The following FMR1NB variants were observed in gnomAD, a reference collection of about 807,000 sequenced individuals.
FMR1NB encodes FMR1 neighbor.
In FMR1NB, 10 loss-of-function variants were observed where a neutral mutation model predicts 16.8. The observed-to-expected ratio is 0.60, with a 90% confidence interval of 0.37 to 1.01. The LOEUF (loss-of-function observed/expected upper bound fraction) is 1.01. FMR1NB is among the 50% of genes least tolerant of loss of function. The pLI is 0.01. For synonymous variants in FMR1NB, 83 were observed against 79.1 expected (o/e 1.05, Z -0.26); for missense variants, 205 against 204.8 (o/e 1.00, Z 0.00).
chrX:147,989,717 C>T (rs2044494528), intron 1 of FMR1NB, among the ~76,000 whole-genome samples: 1 of 111,657 alleles, frequency 9.0e-6, no homozygotes, highest in Admixed American at 9.5e-5. Context: ...ATGCCCTGCC[C>T]AGTGAAGAGG....
chrX:147,991,055 TCA>T (rs1489477985), intron 1 of FMR1NB, among the ~76,000 whole-genome samples: 2 of 111,251 alleles, frequency 1.8e-5, no homozygotes, highest in Non-Finnish European at 3.8e-5. Flanking sequence ...TCACCTTCCA[TCA>T]CAGAGTCCTA....
chrX:147,995,622 G>T (rs2044537960), intron 1 of FMR1NB, among the ~76,000 whole-genome samples: 1 of 112,231 alleles, frequency 8.9e-6, no homozygotes, highest in Non-Finnish European at 1.9e-5. Context: ...ATCCTTTTCA[G>T]GGAAATTTAA....
At chrX:148,013,310 C>T (rs1557189804) in intron 4 of FMR1NB, among the ~76,000 whole-genome samples, 2 of 111,249 alleles carry the variant, frequency 1.8e-5, no homozygotes, top group East Asian at 2.8e-4. Flanking sequence ...ATGAAGTGTC[C>T]TTTTCTCAAT....
Position 147,981,479 on chromosome X carries a change from T to TGGCAACTTATGAGTTGGC in FMR1NB, c.85_102dup (p.Tyr29_Thr34dup), listed in dbSNP as rs1569546488. On this transcript the variant is annotated inframe_insertion, in exon 1 of 6. Coordinates refer to ENST00000370467, the MANE Select transcript of FMR1NB (RefSeq NM_152578.3). Reference sequence around the variant, plus strand: ...GCCATGCGTGTGGCTCACTTAGAGCTGGCAACTTATGAGTTGGCGGCAACT... The same window carrying TGGCAACTTATGAGTTGGC: ...GCCATGCGTGTGGCTCACTTAGAGCTGGCAACTTATGAGTTGGCGGCAACTTATGAGTTGGCGGCAACT... The TGGCAACTTATGAGTTGGC allele has an allele frequency of 2.5e-6, 3 of 1,211,602 alleles. No homozygotes were observed. Among genetic ancestry groups the TGGCAACTTATGAGTTGGC allele is most frequent in the East Asian group, 5.9e-5 (2 of 33,812 alleles).
intron 1 of FMR1NB, among the ~76,000 whole-genome samples, chrX:147,995,130 A>G (rs781982430): frequency 3.0e-4 from 34 of 112,081 alleles, no homozygotes; most frequent in Non-Finnish European, 6.0e-4. Flanking sequence ...TTTCCTCACA[A>G]TCCTCAGAAG....
intron 5 of FMR1NB, 72 bp from the exon 6 acceptor site, chrX:148,026,430 T>C (rs1557191004): frequency 9.0e-6 from 1 of 111,579 alleles, no homozygotes; most frequent in Non-Finnish European, 1.9e-5. Context: ...GGGACTTCTT[T>C]TATGACAAAG....
At chrX:148,023,723 C>A (rs1299899645) in intron 4 of FMR1NB, among the ~76,000 whole-genome samples, 1 of 111,010 alleles carries the variant, frequency 9.0e-6, no homozygotes, top group Non-Finnish European at 1.9e-5. Flanking sequence ...ATGTTTAGTT[C>A]TTTAGAAAGT....
At chrX:147,985,455 C>G (rs962561337) in intron 1 of FMR1NB, among the ~76,000 whole-genome samples, 1 of 111,111 alleles carries the variant, frequency 9.0e-6, no homozygotes, top group African/African-American at 3.3e-5. Flanking sequence ...TGTCTGAATG[C>G]TCTCCCTCCC....
chrX:147,991,464 CT>C (rs1164180859), intron 1 of FMR1NB, among the ~76,000 whole-genome samples: 1 of 109,673 alleles, frequency 9.1e-6, no homozygotes, highest in Non-Finnish European at 1.9e-5. Flanking sequence ...CCTCTTTCAC[CT>C]CCCCTCACAA....
At chrX:148,019,604 T>C (rs2044668799) in intron 4 of FMR1NB, among the ~76,000 whole-genome samples, 1 of 112,129 alleles carries the variant, frequency 8.9e-6, no homozygotes, top group Non-Finnish European at 1.9e-5. Flanking sequence ...TAAGCTGTAT[T>C]CACATTAGGA....
intron 4 of FMR1NB, among the ~76,000 whole-genome samples, chrX:148,011,869 G>A: frequency 9.0e-6 from 1 of 111,676 alleles, no homozygotes; most frequent in Middle Eastern, 4.6e-3. Context: ...GTTCTAGTGT[G>A]ATATGAACCT....
chrX:147,989,250 T>G (rs1557187355), intron 1 of FMR1NB, among the ~76,000 whole-genome samples: 1 of 112,367 alleles, frequency 8.9e-6, no homozygotes. Context: ...CTTCTAACAG[T>G]CAGGCCCCTC....
At chrX:147,985,644 G>T (rs1424966971) in intron 1 of FMR1NB, among the ~76,000 whole-genome samples, 1 of 112,062 alleles carries the variant, frequency 8.9e-6, no homozygotes, top group African/African-American at 3.2e-5. Flanking sequence ...CAAAGGACAT[G>T]AACTCATTCT....
Position 147,999,607 on chromosome X carries a change from T to C in FMR1NB, c.278-3594T>C, listed in dbSNP as rs1469505261. ...CATTTAAAGTAGCCCCCCTCCTTTATTCTGTATCAGTATCCACTTTTCTTC... is the reference window on the plus strand; with the variant it reads ...CATTTAAAGTAGCCCCCCTCCTTTACTCTGTATCAGTATCCACTTTTCTTC... On this transcript the variant is annotated intron_variant, in intron 1 of 5. Coordinates refer to ENST00000370467, the MANE Select transcript of FMR1NB (RefSeq NM_152578.3). Among the ~76,000 whole-genome samples the C allele has an allele frequency of 2.7e-5, 3 of 111,240 alleles. No homozygotes were observed. The Admixed American group carries it at 2.9e-4, about 11-fold the overall frequency.
At chrX:148,024,811 G>T in intron 4 of FMR1NB, 54 bp from the exon 5 acceptor site, 2 of 1,175,624 alleles carry the variant, frequency 1.7e-6, no homozygotes, top group East Asian at 6.0e-5. Flanking sequence ...CCCTCCCATT[G>T]TTATTCTATC....
chrX:147,982,276 G>A (rs1270115498), intron 1 of FMR1NB, among the ~76,000 whole-genome samples: 5 of 95,196 alleles, frequency 5.3e-5, no homozygotes, highest in African/African-American at 2.0e-4. Context: ...GTGAGAGAGC[G>A]AGACTCCGTC....
intron 4 of FMR1NB, 28 bp downstream of exon 4, chrX:148,008,739 C>G (rs782642044): frequency 8.8e-7 from 1 of 1,135,179 alleles, no homozygotes; most frequent in Admixed American, 2.2e-5. Context: ...TTTATTTGCT[C>G]GTTGCTAAGT....
At chrX:148,024,167 C>G (rs1219327132) in intron 4 of FMR1NB, among the ~76,000 whole-genome samples, 3 of 111,922 alleles carry the variant, frequency 2.7e-5, no homozygotes, top group Non-Finnish European at 3.8e-5. Context: ...GTCAAACAGA[C>G]CTACGTTTAA....
chrX:147,992,905 C>G (rs1206550896), intron 1 of FMR1NB, among the ~76,000 whole-genome samples: 1 of 96,902 alleles, frequency 1.0e-5, no homozygotes, highest in South Asian at 5.1e-4. Context: ...GGATGGCGGC[C>G]GGGCGGAGAT....
Sources: gnomAD v4.1 joint callset for allele counts (sites outside exome capture counted in the v4.1 genomes callset) on GRCh38, gnomAD v4.1.1 for gene constraint, MANE v1.5 for transcripts, NCBI Gene and HGNC (gene_info 2026-07-23, HGNC 2026-07-21) for gene names.